SEMA3A: variants seen among roughly 807,000 people sequenced by gnomAD.
SEMA3A encodes semaphorin-3A.
Under a neutral mutation model 97.9 loss-of-function variants are expected in SEMA3A, and 29 were observed. The observed-to-expected ratio is 0.30, with a 90% confidence interval of 0.22 to 0.40. SEMA3A has a LOEUF of 0.40. Among genes scored for constraint, SEMA3A ranks in the 10% least tolerant of loss-of-function variants. The probability of loss-of-function intolerance (pLI) is 1.00; values close to 1 mark genes in which losing one functional copy is unlikely to be tolerated. For missense variants in SEMA3A, 763 were observed against 951.3 expected (o/e 0.80, Z 2.60); for synonymous variants, 321 against 323.7 (o/e 0.99, Z 0.09).
At chr7:84,101,725 G>A (rs1376869415) in intron 4 of SEMA3A, among the ~76,000 whole-genome samples, 4 of 152,038 alleles carry the variant, frequency 2.6e-5, no homozygotes, top group Admixed American at 1.3e-4. Flanking sequence ...GCTCATATAG[G>A]TATGATGATC....
At chr7:84,124,500 A>AATT (rs1268016773) in intron 3 of SEMA3A, among the ~76,000 whole-genome samples, 1 of 152,142 alleles carries the variant, frequency 6.6e-6, no homozygotes, top group African/African-American at 2.4e-5. Context: ...CTTTGAAAGG[A>AATT]ATTATTGTCT....
intron 1 of SEMA3A, among the ~76,000 whole-genome samples, chr7:84,423,499 C>G (rs1804657244): frequency 1.3e-5 from 2 of 152,188 alleles, no homozygotes; most frequent in South Asian, 4.1e-4. Context: ...TGTGGTCATC[C>G]TGAACAAATG....
chr7:84,160,921 A>C (rs796205461), intron 1 of SEMA3A, among the ~76,000 whole-genome samples: 2 of 151,952 alleles, frequency 1.3e-5, no homozygotes, highest in South Asian at 4.1e-4. Flanking sequence ...ATTCCATAGG[A>C]TAGGTAGTAT....
chr7:84,347,414 T>C (rs1802327180), intron 2 of SEMA3A, among the ~76,000 whole-genome samples: 2 of 150,980 alleles, frequency 1.3e-5, no homozygotes. Flanking sequence ...TCAAACCTTT[T>C]TTTTTTTTTT....
intron 2 of SEMA3A, among the ~76,000 whole-genome samples, chr7:84,327,503 A>G (rs1366122919): frequency 1.3e-5 from 2 of 151,920 alleles, no homozygotes. Flanking sequence ...ATTTTTTCAC[A>G]TATAGCAAGG....
intron 1 of SEMA3A, among the ~76,000 whole-genome samples, chr7:84,420,387 G>A (rs1804556289): frequency 6.6e-6 from 1 of 151,680 alleles, no homozygotes; most frequent in Admixed American, 6.6e-5. Flanking sequence ...TAGACATTAT[G>A]GAACTTAAAA....
rs143858147 is a variant in SEMA3A, at chr7:84,383,201, T to C, written c.-245-11301A>G. Among the ~76,000 whole-genome samples the C allele has an allele frequency of 5.0e-3, 754 of 152,216 alleles. 9 individuals are homozygous for C. Among genetic ancestry groups the C allele is most frequent in the African/African-American group, 0.018 (729 of 41,534 alleles). On this transcript the variant is annotated intron_variant, in intron 1 of 3. Transcript: ENST00000424555. ...AAACCAAGTTACTTTGTAATATATA[T>C]TTAAGAAATTGAAAAATAATGAATG...
At chr7:83,970,306 T>C (rs1318388719) in intron 15 of SEMA3A, among the ~76,000 whole-genome samples, 2 of 152,014 alleles carry the variant, frequency 1.3e-5, no homozygotes, top group Admixed American at 6.6e-5. Context: ...GGAAAGAAAA[T>C]AGTTAAATAA....
chr7:84,077,970 A>T (rs765963175), intron 4 of SEMA3A, among the ~76,000 whole-genome samples: 2 of 152,062 alleles, frequency 1.3e-5, no homozygotes, highest in Non-Finnish European at 2.9e-5. Flanking sequence ...TAGGTGTTAA[A>T]AATAGATGTT....
At chr7:84,092,427 G>C (rs1398168102) in intron 4 of SEMA3A, among the ~76,000 whole-genome samples, 1 of 152,066 alleles carries the variant, frequency 6.6e-6, no homozygotes, top group Non-Finnish European at 1.5e-5. Flanking sequence ...CCTGTGCGGG[G>C]AAGAAAACTG....
intron 3 of SEMA3A, among the ~76,000 whole-genome samples, chr7:84,230,949 C>T (rs556780435): frequency 2.0e-4 from 30 of 152,018 alleles, no homozygotes; most frequent in African/African-American, 6.7e-4. Context: ...ACAGCATTTA[C>T]AGTTTACCCC....
intron 3 of SEMA3A, among the ~76,000 whole-genome samples, chr7:84,222,365 G>A (rs1258953870): frequency 6.6e-6 from 1 of 151,776 alleles, no homozygotes; most frequent in Non-Finnish European, 1.5e-5. Context: ...TGCAAGACAG[G>A]TTACCATGAC....
chr7:84,070,050 C>G (rs548144593), intron 4 of SEMA3A, among the ~76,000 whole-genome samples: 103 of 152,158 alleles, frequency 6.8e-4, no homozygotes, highest in African/African-American at 2.4e-3. Context: ...ATCGCATATG[C>G]AAGTAATAAG....
chr7:84,253,923 A>T (rs1037824540), intron 3 of SEMA3A, among the ~76,000 whole-genome samples: 7 of 152,166 alleles, frequency 4.6e-5, no homozygotes, highest in African/African-American at 1.7e-4. Flanking sequence ...AATGATCCCA[A>T]ATTGGGGTTT....
chr7:84,352,443 C>A (rs1177115970), intron 2 of SEMA3A, among the ~76,000 whole-genome samples: 1 of 150,650 alleles, frequency 6.6e-6, no homozygotes, highest in Non-Finnish European at 1.5e-5. Flanking sequence ...ACCCCATTTA[C>A]CTTGATGTGA....
chr7:83,980,623 A>AAAAAAAAAT (rs1310318006), intron 14 of SEMA3A, among the ~76,000 whole-genome samples: 26 of 71,756 alleles, frequency 3.6e-4, no homozygotes, highest in Non-Finnish European at 4.3e-4. Context: ...AAAAAAAAAA[A>AAAAAAAAAT]ATATATATAT....
At chr7:84,289,504 A>G (rs188107874) in intron 3 of SEMA3A, among the ~76,000 whole-genome samples, 65 of 152,264 alleles carry the variant, frequency 4.3e-4, no homozygotes, top group African/African-American at 1.5e-3. Context: ...ATTATTATCA[A>G]TAAAAAATTA....
chr7:84,414,037 G>T (rs952852963), intron 1 of SEMA3A, among the ~76,000 whole-genome samples: 31 of 152,018 alleles, frequency 2.0e-4, no homozygotes, highest in Non-Finnish European at 1.0e-4. Flanking sequence ...GTAAATTTCT[G>T]ATTACTCTAT....
Position 84,181,386 on chromosome 7 carries a change from G to A in SEMA3A, c.112+13089C>T, listed in dbSNP as rs1797734093. On this transcript the variant is annotated intron_variant, in intron 1 of 16. Coordinates refer to ENST00000265362, the MANE Select transcript of SEMA3A (RefSeq NM_006080.3). ...AAAGACTATATAACAGGAAAAAATT[G>A]ATATCATGCTAAAAGAAAAAGAAGG... Among the ~76,000 whole-genome samples the A allele has an allele frequency of 2.0e-5, 3 of 148,582 alleles. 1 individual carries two copies. The South Asian group carries it at 6.3e-4, about 31-fold the overall frequency.
Sources: allele counts gnomAD v4.1 joint callset (sites outside exome capture counted in the v4.1 genomes callset), GRCh38; gene constraint gnomAD v4.1.1; transcripts MANE v1.5; gene names NCBI Gene and HGNC (gene_info 2026-07-23, HGNC 2026-07-21).